ERI1: variants seen among roughly 807,000 people sequenced by gnomAD.
ERI1 encodes 3'-5' exoribonuclease 1.
A neutral mutation model predicts 39.7 loss-of-function variants in ERI1; 39 were observed. The observed-to-expected ratio is 0.98, with a 90% CI of 0.76 to 1.28. The LOEUF (loss-of-function observed/expected upper bound fraction) is 1.28. Among genes scored for constraint, ERI1 ranks in the 50% most tolerant of loss-of-function variants. The pLI is 0.00. For synonymous variants in ERI1, 204 were observed against 149.6 expected (o/e 1.36, Z -2.65); for missense variants, 581 against 416.9 (o/e 1.39, Z -3.43).
intron 3 of ERI1, among the ~76,000 whole-genome samples, chr8:9,064,042 T>G (rs1271981470): frequency 2.0e-5 from 3 of 148,866 alleles, no homozygotes; most frequent in South Asian, 2.1e-4. Context: ...TTGGGGTGTG[T>G]AAATAAGGGG....
chr8:9,048,796 C>T (rs992206525), intron 3 of ERI1, among the ~76,000 whole-genome samples: 3 of 152,012 alleles, frequency 2.0e-5, no homozygotes, highest in Non-Finnish European at 2.9e-5. Flanking sequence ...AGGTACGTGC[C>T]CCTGGCTAAT....
chr8:9,047,873 GCA>G (rs1169185532), intron 3 of ERI1, among the ~76,000 whole-genome samples: 3 of 152,216 alleles, frequency 2.0e-5, no homozygotes, highest in Non-Finnish European at 4.4e-5. Context: ...GTGCACGAGT[GCA>G]CACACGCCCA....
chr8:9,086,203 C>G (rs1229233518), intron 3 of ERI1, among the ~76,000 whole-genome samples: 1 of 152,112 alleles, frequency 6.6e-6, no homozygotes, highest in Non-Finnish European at 1.5e-5. Context: ...TGCTTGAGCC[C>G]AGGAGTTCAG....
At chr8:9,027,277 T>G (rs1049166872) in intron 6 of ERI1, among the ~76,000 whole-genome samples, 1 of 152,102 alleles carries the variant, frequency 6.6e-6, no homozygotes, top group Non-Finnish European at 1.5e-5. Flanking sequence ...CATGTGATTT[T>G]TAGCCATTGG....
chr8:9,022,708 A>ATC (rs773145038), intron 6 of ERI1, among the ~76,000 whole-genome samples: 13 of 152,078 alleles, frequency 8.5e-5, no homozygotes, highest in Non-Finnish European at 1.6e-4. Context: ...CCTTTTGTGG[A>ATC]TCTTTTTTTG....
At chr8:9,003,517 T>G (rs1469950343) in intron 1 of ERI1, among the ~76,000 whole-genome samples, 4 of 152,202 alleles carry the variant, frequency 2.6e-5, no homozygotes, top group African/African-American at 9.7e-5. Flanking sequence ...GGCTTTATGT[T>G]TTTAAAATCT....
At chr8:9,051,477 T>G (rs1798353086) in intron 3 of ERI1, among the ~76,000 whole-genome samples, 1 of 151,988 alleles carries the variant, frequency 6.6e-6, no homozygotes. Flanking sequence ...GCCAACATGG[T>G]GAAAGCACAT....
At chr8:9,017,709 G>C (rs369387338) in intron 4 of ERI1, among the ~76,000 whole-genome samples, 2 of 152,172 alleles carry the variant, frequency 1.3e-5, no homozygotes, top group East Asian at 3.8e-4. Context: ...CAGACCTACA[G>C]GTAGTTCAGG....
Position 9,016,422 on chromosome 8 carries a change from C to A in ERI1, c.582+17C>A. 6.6e-7 allele frequency: 1 copy of A among 1,510,136 alleles called. No homozygotes were observed. The highest frequency in any genetic ancestry group is 1.2e-5 in the South Asian group (1 of 80,902). The allele number at this position is 1,510,136 out of a possible 1,614,324, so 93.5% of individuals were successfully genotyped here. On this transcript the variant is annotated intron_variant, in intron 4 of 6. Coordinates refer to ENST00000250263, the MANE Select transcript of ERI1 (RefSeq NM_153332.4). ...ATTACTCAGGTTATAATTCTAAGTT[C>A]TTCTTTCTAGAGTTTGAAAGAGTTC...
At chr8:9,025,418 T>C (rs1234734800) in intron 6 of ERI1, among the ~76,000 whole-genome samples, 1 of 152,246 alleles carries the variant, frequency 6.6e-6, no homozygotes, top group East Asian at 1.9e-4. Context: ...TTCAGCTGAT[T>C]CATGTGATGA....
intron 6 of ERI1, among the ~76,000 whole-genome samples, chr8:9,023,142 A>C (rs1818095712): frequency 6.6e-6 from 1 of 152,082 alleles, no homozygotes; most frequent in Non-Finnish European, 1.5e-5. Flanking sequence ...TATGTTTGGT[A>C]TGTTAATACA....
intron 6 of ERI1, among the ~76,000 whole-genome samples, chr8:9,021,683 A>G (rs981977252): frequency 6.6e-6 from 1 of 150,560 alleles, no homozygotes; most frequent in Non-Finnish European, 1.5e-5. Flanking sequence ...TAGCTTTAGT[A>G]TTTAAATGTA....
chr8:9,010,996 A>G (rs1168716689), intron 2 of ERI1, among the ~76,000 whole-genome samples: 1 of 152,194 alleles, frequency 6.6e-6, no homozygotes, highest in Admixed American at 6.5e-5. Context: ...CTTGTTAAGT[A>G]GCCAACAGAC....
chr8:9,049,433 C>G (rs926941506), intron 3 of ERI1, among the ~76,000 whole-genome samples: 2 of 144,646 alleles, frequency 1.4e-5, no homozygotes, highest in Non-Finnish European at 3.0e-5. Flanking sequence ...TGGATAGCAT[C>G]TGACAGGGTT....
At chr8:9,036,111 G>C (rs1193473993), downstream of ERI1, among the ~76,000 whole-genome samples, 1 of 152,210 alleles carries the variant, frequency 6.6e-6, no homozygotes, top group Non-Finnish European at 1.5e-5. Context: ...TCTATTCCTG[G>C]TGAAGATGCT....
At position 9,030,013 on chromosome 8, in the gene ERI1, A is replaced by C. The variant is rs776340943; in HGVS notation, c.1029A>C (p.Gln343His). 3 of 1,603,870 alleles carry C rather than the reference A, an allele frequency of 1.9e-6. No homozygotes were observed. Among genetic ancestry groups the C allele is most frequent in the Non-Finnish European group, 2.6e-6 (3 of 1,175,920 alleles). Reference protein sequence around the residue: ...SLPIEGTPPPQMPHFRK With the variant: ...SLPIEGTPPPHMPHFRK ...CAATAGAGGGCACTCCACCACCACA[A>C]ATGCCACATTTTAGAAAGTAACAAC... Residue 343 changes from glutamine (Q) to histidine (H), a missense_variant, in exon 7 of 7, where the codon CAA becomes CAC. Coordinates refer to ENST00000250263, the MANE Select transcript of ERI1 (RefSeq NM_153332.4).
intron 1 of ERI1, among the ~76,000 whole-genome samples, chr8:9,007,742 C>G (rs915168774): frequency 1.3e-5 from 2 of 152,020 alleles, no homozygotes; most frequent in African/African-American, 4.8e-5. Context: ...AGCTTTGTTT[C>G]CTTTGAGGAA....
intron 3 of ERI1, among the ~76,000 whole-genome samples, chr8:9,052,317 CTT>C: frequency 6.7e-6 from 1 of 148,304 alleles, no homozygotes; most frequent in East Asian, 2.0e-4. Flanking sequence ...ACTAGATATA[CTT>C]TTTTTTTTTC....
At chr8:9,061,729 T>G (rs933614872) in intron 3 of ERI1, among the ~76,000 whole-genome samples, 4 of 151,162 alleles carry the variant, frequency 2.6e-5, no homozygotes, top group African/African-American at 7.4e-5. Flanking sequence ...TGTGTTTTTA[T>G]GAGAATTATG....
Sources: allele counts gnomAD v4.1 joint callset (sites outside exome capture counted in the v4.1 genomes callset), GRCh38; gene constraint gnomAD v4.1.1; transcripts MANE v1.5; gene names NCBI Gene and HGNC (gene_info 2026-07-23, HGNC 2026-07-21).